TENM3: variants seen among roughly 807,000 people sequenced by gnomAD.
The protein encoded by TENM3 is teneurin-3.
TENM3 carries 63 observed loss-of-function variants against 255.1 expected under a neutral mutation model. That is an observed-to-expected ratio of 0.25 (90% CI 0.20 to 0.30). The LOEUF is 0.30. Ranked by LOEUF, TENM3 falls within the 10% of genes least tolerant of loss-of-function variation. The probability of loss-of-function intolerance (pLI) is 1.00; values close to 1 mark genes in which losing one functional copy is unlikely to be tolerated. For missense variants in TENM3, 2,929 were observed against 3,461.1 expected (o/e 0.85, Z 3.86); for synonymous variants, 1,306 against 1,322.3 (o/e 0.99, Z 0.27).
the TENM3 span, among the ~76,000 whole-genome samples, chr4:181,508,806 G>A: frequency 1.1e-3 from 162 of 150,364 alleles, 1 homozygote; most frequent in Non-Finnish European, 1.3e-3. Context: ...GACTTGATCC[G>A]TCACTGCTTG....
intron 4 of TENM3, among the ~76,000 whole-genome samples, chr4:182,604,875 C>G (rs1748258871): frequency 6.6e-6 from 1 of 152,066 alleles, no homozygotes; most frequent in Admixed American, 6.6e-5. Context: ...TAAATTGCCT[C>G]TTTATTAGTG....
At chr4:182,749,963 A>G (rs1192967303) in intron 19 of TENM3, among the ~76,000 whole-genome samples, 1 of 134,450 alleles carries the variant, frequency 7.4e-6, no homozygotes, top group Non-Finnish European at 1.6e-5. Flanking sequence ...CTGTGTCAAC[A>G]TTAGACTGTT....
chr4:182,089,577 A>T, the TENM3 span, among the ~76,000 whole-genome samples: 1 of 152,004 alleles, frequency 6.6e-6, no homozygotes, highest in Admixed American at 6.5e-5. Context: ...TTGATTTTTT[A>T]AAAAAACCAT....
intron 1 of TENM3, among the ~76,000 whole-genome samples, chr4:182,186,762 C>CATAT (rs70954298): frequency 0.02 from 551 of 27,196 alleles, 41 homozygotes; most frequent in Non-Finnish European, 0.023. Flanking sequence ...ACTAATGCAT[C>CATAT]ATATATATAT....
intron 3 of TENM3, among the ~76,000 whole-genome samples, chr4:182,380,031 G>A (rs1176095354): frequency 1.3e-5 from 2 of 152,166 alleles, no homozygotes; most frequent in African/African-American, 2.4e-5. Context: ...CACTTTGGGA[G>A]GCCAAGGCGG....
the TENM3 span, among the ~76,000 whole-genome samples, chr4:182,073,420 T>C: frequency 6.6e-6 from 1 of 152,028 alleles, no homozygotes; most frequent in Non-Finnish European, 1.5e-5. Flanking sequence ...AGAGAACAGG[T>C]GGCCATCTGC....
chr4:182,690,616 G>T (rs1340414503), intron 12 of TENM3, among the ~76,000 whole-genome samples: 1 of 152,152 alleles, frequency 6.6e-6, no homozygotes, highest in South Asian at 2.1e-4. Flanking sequence ...CAACAAACAC[G>T]TGTGTATAGC....
the TENM3 span, among the ~76,000 whole-genome samples, chr4:182,028,273 G>A: frequency 2.0e-5 from 3 of 152,032 alleles, no homozygotes; most frequent in Admixed American, 1.3e-4. Context: ...GCTCATAGTA[G>A]CACTAATGAT....
chr4:181,500,615 A>G, the TENM3 span, among the ~76,000 whole-genome samples: 1 of 152,188 alleles, frequency 6.6e-6, no homozygotes, highest in Non-Finnish European at 1.5e-5. Context: ...TATCAGTAGA[A>G]AGGAAATATA....
chr4:182,265,603 G>T (rs1439178802), intron 1 of TENM3, among the ~76,000 whole-genome samples: 1 of 152,138 alleles, frequency 6.6e-6, no homozygotes, highest in East Asian at 1.9e-4. Flanking sequence ...AGAAATGCAT[G>T]CTGGCCCTGT....
chr4:182,799,954 G>T lies in TENM3; in HGVS notation c.7703G>T (p.Arg2568Leu). 4.4e-6 allele frequency: 7 copies of T among 1,591,990 alleles called. No homozygotes were observed. Among genetic ancestry groups the T allele is most frequent in the Non-Finnish European group, 6.0e-6 (7 of 1,169,866 alleles). The change falls in exon 28 of 28, where the codon CGC becomes CTC. Residue 2568 changes from arginine (R) to leucine (L), a missense_variant. Transcript: ENST00000511685. The surrounding 1 kb of genome is among the most constrained non-coding windows in gnomAD (Gnocchi z 4.2). The part of the protein sequence containing the change: ...DLGTLRLTSG[R>L]KALENGINVT... ...GGCACGCTGCGGTTGACCAGCGGCC[G>T]CAAGGCGCTGGAGAACGGCATCAAC...
At chr4:182,452,201 G>A (rs727696) in intron 3 of TENM3, among the ~76,000 whole-genome samples, 71,548 of 152,086 alleles carry the variant, frequency 0.47, 18,080 homozygotes, top group East Asian at 0.71. Context: ...GAAATAGGAT[G>A]TTCTTCCTTA....
At chr4:182,363,973 G>T (rs1766216377) in intron 3 of TENM3, among the ~76,000 whole-genome samples, 2 of 152,086 alleles carry the variant, frequency 1.3e-5, no homozygotes, top group South Asian at 4.1e-4. Flanking sequence ...GTAATGGACT[G>T]TGTCTCATTT....
the TENM3 span, among the ~76,000 whole-genome samples, chr4:181,536,929 TAC>T: frequency 6.6e-6 from 1 of 152,214 alleles, no homozygotes; most frequent in Non-Finnish European, 1.5e-5. Context: ...TGCTCAGTGA[TAC>T]AGATTGCCTC....
the TENM3 span, among the ~76,000 whole-genome samples, chr4:181,619,457 T>G: frequency 1.3e-5 from 2 of 152,198 alleles, no homozygotes; most frequent in Non-Finnish European, 2.9e-5. Flanking sequence ...AGTCTCACTC[T>G]ATTGCCCAGG....
chr4:181,449,941 T>C, the TENM3 span, among the ~76,000 whole-genome samples: 1 of 152,190 alleles, frequency 6.6e-6, no homozygotes, highest in Non-Finnish European at 1.5e-5. Context: ...AAGAAACAAA[T>C]TCCTTTCAGA....
At chr4:182,061,481 A>G in the TENM3 span, among the ~76,000 whole-genome samples, 2 of 152,020 alleles carry the variant, frequency 1.3e-5, no homozygotes, top group South Asian at 4.1e-4. Flanking sequence ...GATTACCCTC[A>G]GTGCTGAACA....
chr4:181,656,391 A>C, the TENM3 span, among the ~76,000 whole-genome samples: 1 of 152,232 alleles, frequency 6.6e-6, no homozygotes, highest in East Asian at 1.9e-4. Flanking sequence ...ATTTGTAGCC[A>C]GCATTGTAAA....
At chr4:182,284,464 T>C (rs1760603072) in intron 1 of TENM3, among the ~76,000 whole-genome samples, 1 of 152,234 alleles carries the variant, frequency 6.6e-6, no homozygotes, top group Admixed American at 6.5e-5. Flanking sequence ...TGGTCAGCAT[T>C]ATAATAAAAG....
Sources: gnomAD v4.1 joint callset for allele counts (sites outside exome capture counted in the v4.1 genomes callset) on GRCh38, gnomAD v4.1.1 for gene constraint, Gnocchi (gnomAD v3.1) non-coding constraint, MANE v1.5 for transcripts, NCBI Gene and HGNC (gene_info 2026-07-23, HGNC 2026-07-21) for gene names.